The following NOL4 variants were observed in gnomAD, a reference collection of about 807,000 sequenced individuals.
NOL4 encodes the protein nucleolar protein 4.
Under a neutral mutation model 75.9 loss-of-function variants are expected in NOL4, and 17 were observed. The ratio of observed to expected loss-of-function variants is 0.22; its 90% CI spans 0.15 to 0.34. The LOEUF is 0.34. Among genes scored for constraint, NOL4 ranks in the 10% least tolerant of loss-of-function variants. The pLI is 1.00. For synonymous variants in NOL4, 292 were observed against 289.9 expected, an observed-to-expected ratio of 1.01 and a Z score of -0.07; for missense variants, 614 against 793.5, an observed-to-expected ratio of 0.77 and a Z score of 2.72.
intron 1 of NOL4, among the ~76,000 whole-genome samples, chr18:34,169,292 T>C (rs1255289197): frequency 7.9e-5 from 12 of 151,814 alleles, no homozygotes; most frequent in Admixed American, 5.9e-4. Flanking sequence ...AAGAAGGAAA[T>C]AGAAGTATTC....
At chr18:33,974,579 T>C (rs56291862) in intron 6 of NOL4, among the ~76,000 whole-genome samples, 53,082 of 151,920 alleles carry the variant, frequency 0.35, 9,729 homozygotes, top group Non-Finnish European at 0.41. Context: ...ACAATTACAA[T>C]ATTAACACTG....
intron 2 of NOL4, chr18:34,128,900 A>C: frequency 1.0e-6 from 1 of 974,898 alleles, no homozygotes; most frequent in Non-Finnish European, 1.2e-6. Context: ...CTGAAAAAAA[A>C]ATGGATCCAG....
Position 33,883,379 on chromosome 18 carries a change from G to C in NOL4, c.1588C>G (p.Gln530Glu). The C allele has an allele frequency of 1.2e-6, 2 of 1,612,838 alleles. No individual in the cohort carries two copies. The highest frequency in any genetic ancestry group is 1.7e-6 in the Non-Finnish European group (2 of 1,179,408). ...ACAGCTGATGTTGAGTAAGTGGCCT[G>C]GGTCGCCTCTGGTTTACACTGTTTG... ...ADKQCKPEAT[Q>E]ATYSTSAVPG... Residue 530 changes from glutamine to glutamate, a missense_variant, in exon 10 of 11, where the codon CAG becomes GAG. Physicochemically the swap from Gln to Glu is conservative, Grantham distance 29. Transcript: ENST00000261592.
intron 1 of NOL4, among the ~76,000 whole-genome samples, chr18:34,167,401 T>A (rs893736704): frequency 6.6e-6 from 1 of 152,112 alleles, no homozygotes; most frequent in African/African-American, 2.4e-5. Flanking sequence ...CTTGCTTGTA[T>A]CTCTGGCTTG....
intron 2 of NOL4, among the ~76,000 whole-genome samples, chr18:34,113,576 G>T (rs2079709650): frequency 1.3e-5 from 2 of 152,034 alleles, no homozygotes; most frequent in Non-Finnish European, 2.9e-5. Context: ...CTTTGATGTT[G>T]CAGGGAGCTA....
intron 6 of NOL4, among the ~76,000 whole-genome samples, chr18:33,997,345 T>C (rs929437254): frequency 6.6e-6 from 1 of 151,916 alleles, no homozygotes; most frequent in Non-Finnish European, 1.5e-5. Context: ...CTGTTCCCTA[T>C]TGCTTATTTG....
chr18:34,116,672 A>T (rs1022151909), intron 2 of NOL4, among the ~76,000 whole-genome samples: 1 of 152,208 alleles, frequency 6.6e-6, no homozygotes, highest in Non-Finnish European at 1.5e-5. Context: ...AAAGTTAGAA[A>T]AATTGAAGAA....
Position 33,963,069 on chromosome 18 carries a change from T to C in NOL4, c.1057-4651A>G, listed in dbSNP as rs1456955013. Among the ~76,000 whole-genome samples, 3 of 152,310 alleles carry C rather than the reference T, an allele frequency of 2.0e-5. No individual in the cohort carries two copies. In the East Asian group the frequency reaches 5.8e-4, roughly 29 times the overall value. ...CTCTTACCATTTAGGACCTATCATT[T>C]AAGGCCGAATTAAGTTCACTTTCCA... On this transcript the variant is annotated intron_variant, in intron 6 of 10. Coordinates refer to ENST00000261592, the MANE Select transcript of NOL4 (RefSeq NM_003787.5).
intron 5 of NOL4, among the ~76,000 whole-genome samples, chr18:34,083,439 T>C (rs1190277819): frequency 1.3e-5 from 2 of 152,168 alleles, no homozygotes; most frequent in Admixed American, 1.3e-4. Flanking sequence ...CCATTGCTTT[T>C]AATTCCTTTC....
At chr18:33,915,142 C>G (rs895833065) in intron 9 of NOL4, among the ~76,000 whole-genome samples, 10 of 152,030 alleles carry the variant, frequency 6.6e-5, no homozygotes, top group African/African-American at 2.4e-4. Context: ...AGTAATCAAC[C>G]GTGACAAATG....
intron 6 of NOL4, among the ~76,000 whole-genome samples, chr18:34,012,939 C>T (rs992799478): frequency 2.0e-5 from 3 of 151,824 alleles, no homozygotes; most frequent in African/African-American, 7.3e-5. Flanking sequence ...GTGGGTGTAG[C>T]GAAAATTACA....
At chr18:33,969,240 C>A (rs2070852291) in intron 6 of NOL4, among the ~76,000 whole-genome samples, 2 of 152,054 alleles carry the variant, frequency 1.3e-5, no homozygotes, top group Admixed American at 6.6e-5. Flanking sequence ...TAATTCATTC[C>A]TCTTCATTAA....
At chr18:33,889,398 A>T (rs1405443398) in intron 9 of NOL4, among the ~76,000 whole-genome samples, 1 of 152,178 alleles carries the variant, frequency 6.6e-6, no homozygotes, top group East Asian at 1.9e-4. Flanking sequence ...AACCAAAAAA[A>T]GTCCTGGACC....
chr18:34,080,817 A>T (rs907343894), intron 5 of NOL4, among the ~76,000 whole-genome samples: 1 of 152,214 alleles, frequency 6.6e-6, no homozygotes, highest in African/African-American at 2.4e-5. Flanking sequence ...AAAGAAAATA[A>T]AATGTAAGGT....
At chr18:33,903,134 T>C (rs200093955) in intron 9 of NOL4, among the ~76,000 whole-genome samples, 1 of 152,170 alleles carries the variant, frequency 6.6e-6, no homozygotes, top group African/African-American at 2.4e-5. Flanking sequence ...AGAGAGTTAA[T>C]TGACTCACAA....
chr18:34,032,498 G>A (rs2075687681), intron 5 of NOL4, among the ~76,000 whole-genome samples: 1 of 152,114 alleles, frequency 6.6e-6, no homozygotes, highest in African/African-American at 2.4e-5. Flanking sequence ...TCCTCCTGGG[G>A]CCTGAGGTTG....
chr18:33,991,088 C>T (rs1027352746), intron 6 of NOL4, among the ~76,000 whole-genome samples: 3 of 152,020 alleles, frequency 2.0e-5, no homozygotes, highest in Non-Finnish European at 4.4e-5. Flanking sequence ...TGCTCACTTT[C>T]ATTTTCTTCT....
At chr18:34,178,536 A>C (rs1166805941) in intron 1 of NOL4, among the ~76,000 whole-genome samples, 1 of 151,770 alleles carries the variant, frequency 6.6e-6, no homozygotes, top group Non-Finnish European at 1.5e-5. Context: ...AAGGGAAACC[A>C]AAAGAGAAGT....
chr18:33,910,064 C>G (rs1239876701), intron 9 of NOL4, among the ~76,000 whole-genome samples: 3 of 152,164 alleles, frequency 2.0e-5, no homozygotes, highest in Non-Finnish European at 4.4e-5. Flanking sequence ...GAAATACATC[C>G]TACATTTGCT....
Sources: allele counts gnomAD v4.1 joint callset (sites outside exome capture counted in the v4.1 genomes callset), GRCh38; gene constraint gnomAD v4.1.1; transcripts MANE v1.5; gene names NCBI Gene and HGNC (gene_info 2026-07-23, HGNC 2026-07-21).